The following GRID2 variants were observed in gnomAD, a reference collection of about 807,000 sequenced individuals.
The protein encoded by GRID2 is glutamate ionotropic receptor delta type subunit 2, also known as glutamate receptor ionotropic, delta-2.
GRID2 carries 33 observed loss-of-function variants against 114.8 expected under a neutral mutation model. The ratio of observed to expected loss-of-function variants is 0.29; its 90% CI spans 0.22 to 0.38. GRID2 has a LOEUF of 0.38. GRID2 is among the 10% of genes least tolerant of loss of function. The pLI, the probability that GRID2 is intolerant of heterozygous loss-of-function variation, is 1.00. For synonymous variants in GRID2, 505 were observed against 449.9 expected, an observed-to-expected ratio of 1.12 and a Z score of -1.55; for missense variants, 1,184 against 1,257.7, an observed-to-expected ratio of 0.94 and a Z score of 0.89.
chr4:93,520,931 G>T (rs1373978117), intron 13 of GRID2, among the ~76,000 whole-genome samples: 1 of 152,170 alleles, frequency 6.6e-6, no homozygotes, highest in Non-Finnish European at 1.5e-5. Context: ...GGGGGCTCAA[G>T]GGTGGGAGCG....
At chr4:92,350,066 A>G (rs748617652) in intron 1 of GRID2, among the ~76,000 whole-genome samples, 2 of 151,926 alleles carry the variant, frequency 1.3e-5, no homozygotes, top group African/African-American at 2.4e-5. Context: ...CTTTAGTTCT[A>G]TAAGTGACCG....
intron 9 of GRID2, among the ~76,000 whole-genome samples, chr4:93,411,665 C>A (rs1767148304): frequency 6.6e-6 from 1 of 152,008 alleles, no homozygotes; most frequent in Non-Finnish European, 1.5e-5. Context: ...AACTCCTGAC[C>A]TCGTGATCTG....
intron 14 of GRID2, among the ~76,000 whole-genome samples, chr4:93,737,589 G>A (rs773794631): frequency 1.3e-5 from 2 of 152,002 alleles, no homozygotes; most frequent in Admixed American, 6.6e-5. Flanking sequence ...AATAAAATGA[G>A]TGTCTGTTAG....
At chr4:93,091,591 T>C (rs919941631) in intron 3 of GRID2, among the ~76,000 whole-genome samples, 5 of 152,096 alleles carry the variant, frequency 3.3e-5, no homozygotes, top group Non-Finnish European at 7.4e-5. Context: ...TCCAGCAAAT[T>C]GGTGTATTTC....
chr4:93,669,414 G>C (rs1724212703), intron 14 of GRID2, among the ~76,000 whole-genome samples: 1 of 151,780 alleles, frequency 6.6e-6, no homozygotes, highest in African/African-American at 2.4e-5. Context: ...ATATATATTG[G>C]CCATTTTATT....
intron 4 of GRID2, among the ~76,000 whole-genome samples, chr4:93,134,274 TAA>T (rs1384169343): frequency 2.6e-5 from 4 of 152,156 alleles, no homozygotes; most frequent in African/African-American, 9.7e-5. Context: ...GTTTAGAAAA[TAA>T]GTTAGTCATA....
intron 2 of GRID2, among the ~76,000 whole-genome samples, chr4:92,693,161 T>G: frequency 6.6e-6 from 1 of 152,186 alleles, no homozygotes; most frequent in South Asian, 2.1e-4. Context: ...GCTTATATAA[T>G]TTTTAATAGA....
chr4:92,895,384 C>CATATATATAT (rs10528035), intron 2 of GRID2, among the ~76,000 whole-genome samples: 1,791 of 108,118 alleles, frequency 0.017, 134 homozygotes, highest in African/African-American at 0.082. Flanking sequence ...ATGTAGAAAA[C>CATATATATAT]ATATATATAT....
At position 93,027,439 on chromosome 4, in the gene GRID2, A is replaced by G. The variant is rs115999591; in HGVS notation, c.245-57556A>G. 3.0e-3 allele frequency among the ~76,000 whole-genome samples: 451 copies of G among 152,210 alleles called. 6 individuals carry two copies. The highest frequency in any genetic ancestry group is 0.012 in the South Asian group (59 of 4,828). On this transcript the variant is annotated intron_variant, in intron 2 of 15. Transcript: ENST00000282020. Reference sequence around the variant, plus strand: ...AGCAAGTAATATATATATCACATGGACAAAGGAAGAGTGTACTCCTGGTTG... The same window carrying G: ...AGCAAGTAATATATATATCACATGGGCAAAGGAAGAGTGTACTCCTGGTTG...
Position 92,842,647 on chromosome 4 carries a change from T to C in GRID2, c.245-242348T>C, listed in dbSNP as rs74432438. ...GCTGAGAAATAGTATTTTTTCTCCTTGCCTAGAAGAGCCATCTAGAAGCAA... is the reference window on the plus strand; with the variant it reads ...GCTGAGAAATAGTATTTTTTCTCCTCGCCTAGAAGAGCCATCTAGAAGCAA... On this transcript the variant is annotated intron_variant, in intron 2 of 15. Coordinates refer to ENST00000282020, the MANE Select transcript of GRID2 (RefSeq NM_001510.4). Among the ~76,000 whole-genome samples, 868 of 152,174 alleles carry C rather than the reference T, an allele frequency of 5.7e-3. 16 individuals carry two copies. Among genetic ancestry groups the C allele is most frequent in the African/African-American group, 0.02 (824 of 41,508 alleles).
At chr4:93,465,192 C>T (rs375351297) in intron 11 of GRID2, among the ~76,000 whole-genome samples, 9 of 152,212 alleles carry the variant, frequency 5.9e-5, no homozygotes, top group Admixed American at 1.3e-4. Context: ...TGCTATTTAG[C>T]GTACTGCAAC....
At chr4:92,470,833 A>C (rs1208166152) in intron 1 of GRID2, among the ~76,000 whole-genome samples, 1 of 152,078 alleles carries the variant, frequency 6.6e-6, no homozygotes, top group Non-Finnish European at 1.5e-5. Context: ...AGTAAGCCAG[A>C]ATAATATATA....
chr4:93,608,020 T>C (rs1195973449), intron 13 of GRID2, among the ~76,000 whole-genome samples: 4 of 150,016 alleles, frequency 2.7e-5, no homozygotes, highest in African/African-American at 7.3e-5. Flanking sequence ...AAATGCTTCA[T>C]ATAAACCAAA....
chr4:92,730,797 C>T (rs1346507616), intron 2 of GRID2, among the ~76,000 whole-genome samples: 1 of 151,884 alleles, frequency 6.6e-6, no homozygotes, highest in East Asian at 1.9e-4. Flanking sequence ...AATAAGCAAT[C>T]AGTTAAATCA....
chr4:93,039,887 T>C (rs1005329219), intron 2 of GRID2, among the ~76,000 whole-genome samples: 9 of 152,170 alleles, frequency 5.9e-5, no homozygotes, highest in Non-Finnish European at 1.3e-4. Context: ...ATTTCTACTT[T>C]CTGAAAATAT....
chr4:93,315,408 C>T (rs1229075869), intron 8 of GRID2, among the ~76,000 whole-genome samples: 1 of 152,130 alleles, frequency 6.6e-6, no homozygotes. Context: ...TTTCCCTACC[C>T]ACTGTCCCCT....
At chr4:92,773,477 T>C (rs929138898) in intron 2 of GRID2, among the ~76,000 whole-genome samples, 8 of 152,112 alleles carry the variant, frequency 5.3e-5, no homozygotes, top group Admixed American at 3.3e-4. Context: ...CATAAACTTT[T>C]AGTGAGATTT....
At chr4:92,380,211 ATT>A (rs1201299097) in intron 1 of GRID2, among the ~76,000 whole-genome samples, 2 of 151,182 alleles carry the variant, frequency 1.3e-5, no homozygotes. Context: ...GTGTGTGTTG[ATT>A]TTTTTGTGTA....
chr4:92,776,467 G>T (rs183183310), intron 2 of GRID2, among the ~76,000 whole-genome samples: 39 of 152,182 alleles, frequency 2.6e-4, no homozygotes, highest in Middle Eastern at 3.4e-3. Flanking sequence ...CAGAAGGGTC[G>T]GTGTGAGTGT....
Sources: gnomAD v4.1 joint callset for allele counts (sites outside exome capture counted in the v4.1 genomes callset) on GRCh38, gnomAD v4.1.1 for gene constraint, MANE v1.5 for transcripts, NCBI Gene and HGNC (gene_info 2026-07-23, HGNC 2026-07-21) for gene names.